ANKFN1: variants seen among roughly 807,000 people sequenced by gnomAD.
ANKFN1 encodes ankyrin repeat and fibronectin type III domain containing 1.
In ANKFN1, 74 loss-of-function variants were observed where a neutral mutation model predicts 108.7. The ratio of observed to expected loss-of-function variants is 0.68; its 90% CI spans 0.56 to 0.83. ANKFN1 has a LOEUF of 0.83. Among genes scored for constraint, ANKFN1 ranks in the 40% least tolerant of loss-of-function variants. The pLI is 0.00. For missense variants in ANKFN1, 1,505 were observed against 1,382.3 expected, an observed-to-expected ratio of 1.09 and a Z score of -1.41; for synonymous variants, 547 against 516.2, an observed-to-expected ratio of 1.06 and a Z score of -0.81.
intron 4 of ANKFN1, among the ~76,000 whole-genome samples, chr17:56,087,953 T>C (rs1905346708): frequency 6.6e-6 from 1 of 151,080 alleles, no homozygotes; most frequent in African/African-American, 2.4e-5. Flanking sequence ...TGTGTGTGTG[T>C]TTGTGTGTAT....
chr17:56,309,648 A>C (rs2044949772), intron 3 of ANKFN1, among the ~76,000 whole-genome samples: 1 of 152,090 alleles, frequency 6.6e-6, no homozygotes, highest in South Asian at 2.1e-4. Flanking sequence ...ACATCCCAAA[A>C]CCCCCAACAG....
chr17:56,210,041 T>TATAG (rs919205967), intron 1 of ANKFN1, among the ~76,000 whole-genome samples: 34 of 143,336 alleles, frequency 2.4e-4, no homozygotes, highest in African/African-American at 5.7e-4. Flanking sequence ...ATATGTATAT[T>TATAG]ATAGATAGAT....
intron 4 of ANKFN1, among the ~76,000 whole-genome samples, chr17:56,077,913 A>G (rs1372309599): frequency 1.3e-5 from 2 of 152,200 alleles, no homozygotes; most frequent in African/African-American, 2.4e-5. Context: ...ATCTCGTTTA[A>G]GTCTCATAAC....
At chr17:56,174,357 C>A in intron 1 of ANKFN1, 1 of 985,622 alleles carries the variant, frequency 1.0e-6, no homozygotes, top group South Asian at 4.7e-5. Context: ...TGCAAAGCAG[C>A]CACATTCTGG....
At chr17:56,061,514 C>T (rs376343201) in intron 4 of ANKFN1, among the ~76,000 whole-genome samples, 5 of 152,052 alleles carry the variant, frequency 3.3e-5, no homozygotes, top group African/African-American at 1.2e-4. Context: ...CTCAGGTGAT[C>T]TGCCCACCTT....
chr17:56,217,826 G>A (rs1915533467), intron 2 of ANKFN1, among the ~76,000 whole-genome samples: 1 of 152,066 alleles, frequency 6.6e-6, no homozygotes, highest in Non-Finnish European at 1.5e-5. Context: ...GGGGTTTTGG[G>A]TATAGAACTT....
chr17:56,371,653 G>A (rs929520354), intron 6 of ANKFN1, among the ~76,000 whole-genome samples: 27 of 152,250 alleles, frequency 1.8e-4, no homozygotes, highest in African/African-American at 6.5e-4. Context: ...ATATTCCCAT[G>A]CTGAGGCTCT....
At chr17:56,422,315 C>T (rs889023274) in intron 8 of ANKFN1, among the ~76,000 whole-genome samples, 22 of 151,806 alleles carry the variant, frequency 1.4e-4, no homozygotes, top group Admixed American at 1.3e-4. Context: ...ATTTTCCTAG[C>T]CTTATTGGAC....
chr17:56,276,264 G>A (rs2043930256), intron 3 of ANKFN1, among the ~76,000 whole-genome samples: 1 of 152,176 alleles, frequency 6.6e-6, no homozygotes, highest in Non-Finnish European at 1.5e-5. Context: ...TATCATTGAT[G>A]GATATTTGAG....
intron 15 of ANKFN1, among the ~76,000 whole-genome samples, chr17:56,467,771 GAAAGAAAGAAAGAAAGAAAGAAGA>G (rs2050137116): frequency 6.4e-5 from 1 of 15,730 alleles, no homozygotes; most frequent in African/African-American, 1.6e-4. Flanking sequence ...AAGAAAGAAA[GAAAGAAAGAAAGAAAGAAAGAAGA>G]AAGAAAGAAA....
At chr17:56,215,642 A>G (rs963615347) in intron 2 of ANKFN1, among the ~76,000 whole-genome samples, 3 of 152,206 alleles carry the variant, frequency 2.0e-5, no homozygotes, top group African/African-American at 7.2e-5. Flanking sequence ...GAAAACTGCA[A>G]AACTAGTTGG....
At chr17:56,372,601 T>C (rs2046839938) in intron 6 of ANKFN1, 45 bp from the exon 7 acceptor site, 3 of 1,540,776 alleles carry the variant, frequency 1.9e-6, no homozygotes, top group Non-Finnish European at 2.7e-6. Flanking sequence ...TGAAGCAGCA[T>C]TTCCCCAGAA....
At chr17:56,296,781 T>G (rs7215886) in intron 3 of ANKFN1, among the ~76,000 whole-genome samples, 14,977 of 152,256 alleles carry the variant, frequency 0.098, 1,635 homozygotes, top group African/African-American at 0.27. Flanking sequence ...CTGCTGAGTG[T>G]CATTGGTCAA....
At chr17:56,326,497 A>G in intron 4 of ANKFN1, 142 bp downstream of exon 4, 1 of 1,052,060 alleles carries the variant, frequency 9.5e-7, no homozygotes. Context: ...CAGGTGGTCC[A>G]TGAAGAATAC....
At chr17:56,442,367 C>T (rs1240215178) in intron 9 of ANKFN1, among the ~76,000 whole-genome samples, 1 of 152,052 alleles carries the variant, frequency 6.6e-6, no homozygotes, top group Admixed American at 6.6e-5. Flanking sequence ...ATTTAATGCA[C>T]TACTCTGAAA....
chr17:56,153,954 T>TTC (rs1261373991), intron 1 of ANKFN1, among the ~76,000 whole-genome samples: 1 of 151,870 alleles, frequency 6.6e-6, no homozygotes, highest in Non-Finnish European at 1.5e-5. Context: ...GATTCTCTCC[T>TTC]TCTCTCTCTC....
At position 56,167,508 on chromosome 17, in the gene ANKFN1, C is replaced by G. The variant is rs536342377; in HGVS notation, c.-71+13978C>G. On this transcript the variant is annotated intron_variant, in intron 1 of 20. Coordinates refer to ENST00000682825, the MANE Select transcript of ANKFN1 (RefSeq NM_001370326.1). ...GGTAAAGCAGTGCAAACTTTGGAGC[C>G]CAATTAAATCTGGGTTTGTAGCCCC... Among the ~76,000 whole-genome samples the G allele has an allele frequency of 4.5e-4, 69 of 151,870 alleles. No homozygotes were observed. In the South Asian group the frequency reaches 0.014, roughly 31 times the overall value.
intron 1 of ANKFN1, among the ~76,000 whole-genome samples, chr17:56,209,134 G>C (rs1914768901): frequency 6.6e-6 from 1 of 152,022 alleles, no homozygotes; most frequent in Non-Finnish European, 1.5e-5. Flanking sequence ...ATTCATCAAA[G>C]CATCTTCCAT....
At chr17:56,497,634 T>C (rs574478277) in intron 19 of ANKFN1, among the ~76,000 whole-genome samples, 1 of 152,270 alleles carries the variant, frequency 6.6e-6, no homozygotes, top group East Asian at 1.9e-4. Flanking sequence ...GTTTTAAAAC[T>C]TCCACAATCA....
Sources: allele counts gnomAD v4.1 joint callset (sites outside exome capture counted in the v4.1 genomes callset), GRCh38; gene constraint gnomAD v4.1.1; transcripts MANE v1.5; gene names NCBI Gene and HGNC (gene_info 2026-07-23, HGNC 2026-07-21).